The following GRID1 variants were observed in gnomAD, a reference collection of about 807,000 sequenced individuals.
GRID1 encodes the protein glutamate ionotropic receptor delta type subunit 1.
A neutral mutation model predicts 98.0 loss-of-function variants in GRID1; 28 were observed. The observed-to-expected ratio is 0.29, with a 90% CI of 0.21 to 0.39. The LOEUF (loss-of-function observed/expected upper bound fraction) is 0.39. Ranked by LOEUF, GRID1 falls within the 10% of genes least tolerant of loss-of-function variation. The pLI is 1.00. For synonymous variants in GRID1, 553 were observed against 538.5 expected (o/e 1.03, Z -0.37); for missense variants, 1,111 against 1,340.5 (o/e 0.83, Z 2.67).
At chr10:85,642,927 C>T (rs1431470783) in intron 13 of GRID1, among the ~76,000 whole-genome samples, 1 of 152,132 alleles carries the variant, frequency 6.6e-6, no homozygotes, top group East Asian at 1.9e-4. Flanking sequence ...TCCAGAGGCT[C>T]AATGATGTGT....
At chr10:85,680,781 T>C (rs1309962283) in intron 12 of GRID1, among the ~76,000 whole-genome samples, 2 of 152,176 alleles carry the variant, frequency 1.3e-5, no homozygotes, top group African/African-American at 2.4e-5. Context: ...ATGTGGTACA[T>C]ATACACCAGG....
intron 4 of GRID1, among the ~76,000 whole-genome samples, chr10:85,922,212 GA>G (rs1450748518): frequency 6.6e-6 from 1 of 152,166 alleles, no homozygotes; most frequent in African/African-American, 2.4e-5. Flanking sequence ...TCATATCTGA[GA>G]AAACACCATT....
intron 5 of GRID1, among the ~76,000 whole-genome samples, chr10:85,912,652 G>A (rs1209975900): frequency 6.6e-6 from 1 of 152,136 alleles, no homozygotes; most frequent in Non-Finnish European, 1.5e-5. Flanking sequence ...TGGTCGGGGA[G>A]GCACAGACCT....
intron 12 of GRID1, among the ~76,000 whole-genome samples, chr10:85,700,747 G>C (rs1841441586): frequency 6.6e-6 from 1 of 152,056 alleles, no homozygotes; most frequent in African/African-American, 2.4e-5. Context: ...CAACCCCAAA[G>C]AAAAAGGTAA....
intron 4 of GRID1, among the ~76,000 whole-genome samples, chr10:85,969,672 T>A (rs1460861109): frequency 2.0e-5 from 3 of 152,012 alleles, no homozygotes; most frequent in African/African-American, 4.8e-5. Context: ...AATATCAAAA[T>A]TTATAGGATG....
chr10:85,882,155 A>G (rs1841038152), intron 5 of GRID1, among the ~76,000 whole-genome samples: 1 of 152,216 alleles, frequency 6.6e-6, no homozygotes, highest in African/African-American at 2.4e-5. Context: ...AGAAATAGGA[A>G]CACTTTTACA....
At chr10:85,885,274 G>C (rs1005644859) in intron 5 of GRID1, among the ~76,000 whole-genome samples, 3 of 152,314 alleles carry the variant, frequency 2.0e-5, no homozygotes, top group African/African-American at 7.2e-5. Context: ...AAGCAAAACT[G>C]TCCTTTTTAT....
chr10:85,846,012 G>A (rs1843001900), intron 8 of GRID1, among the ~76,000 whole-genome samples: 2 of 152,110 alleles, frequency 1.3e-5, no homozygotes, highest in Admixed American at 6.6e-5. Context: ...GGGTGCTGGT[G>A]ATGTTCTTTG....
chr10:86,176,290 G>A (rs546546573), intron 3 of GRID1, among the ~76,000 whole-genome samples: 3 of 152,322 alleles, frequency 2.0e-5, no homozygotes, highest in East Asian at 1.9e-4. Flanking sequence ...CACAGTGTTG[G>A]AGCATGATAG....
chr10:85,997,398 CAA>C (rs35365659), intron 4 of GRID1, among the ~76,000 whole-genome samples: 1 of 137,106 alleles, frequency 7.3e-6, no homozygotes, highest in African/African-American at 2.8e-5. Context: ...GACTCCATCT[CAA>C]AAAAAAAAAA....
chr10:86,168,851 G>A (rs1845439060), intron 3 of GRID1, among the ~76,000 whole-genome samples: 1 of 152,220 alleles, frequency 6.6e-6, no homozygotes, highest in Non-Finnish European at 1.5e-5. Flanking sequence ...CCCAGGCAAG[G>A]GGCACAGGTG....
intron 4 of GRID1, among the ~76,000 whole-genome samples, chr10:85,989,586 A>T (rs1842654416): frequency 1.3e-5 from 2 of 152,192 alleles, no homozygotes; most frequent in African/African-American, 4.8e-5. Context: ...TGAATTAAGC[A>T]TGCGACAGAT....
chr10:86,047,060 C>A (rs1048132028), intron 4 of GRID1, among the ~76,000 whole-genome samples: 10 of 152,186 alleles, frequency 6.6e-5, no homozygotes, highest in Non-Finnish European at 1.5e-4. Flanking sequence ...AGCATCAGAA[C>A]AAATGATTGC....
chr10:86,044,068 G>T (rs1444729035), intron 4 of GRID1, among the ~76,000 whole-genome samples: 1 of 152,172 alleles, frequency 6.6e-6, no homozygotes, highest in African/African-American at 2.4e-5. Flanking sequence ...CTAAAGAAAT[G>T]TCAGATATTT....
At position 85,947,569 on chromosome 10, in the gene GRID1, C is replaced by CG. The variant is rs139818707; in HGVS notation, c.727-31331dup. On this transcript the variant is annotated intron_variant, in intron 4 of 15. Coordinates refer to ENST00000327946, the MANE Select transcript of GRID1 (RefSeq NM_017551.3). The stretch of plus-strand genomic sequence containing the variant: ...TGGTCACCACAGACCCACAAGTGCA[C>CG]GTCCATGGAGAGTGTCGTGACTCTG... Among the ~76,000 whole-genome samples the CG allele has an allele frequency of 1.5e-3, 223 of 152,282 alleles. 1 individual carries two copies. Among genetic ancestry groups the CG allele is most frequent in the African/African-American group, 5.0e-3 (209 of 41,554 alleles).
intron 4 of GRID1, among the ~76,000 whole-genome samples, chr10:85,967,041 C>G (rs1277458784): frequency 2.6e-5 from 4 of 152,282 alleles, no homozygotes; most frequent in Admixed American, 1.3e-4. Flanking sequence ...ATAAGTCTCA[C>G]AAGATCTGAT....
Position 85,995,230 on chromosome 10 carries a change from C to T in GRID1, c.727-78991G>A, listed in dbSNP as rs559020941. Among the ~76,000 whole-genome samples the T allele has an allele frequency of 9.2e-5, 14 of 152,164 alleles. No homozygotes were observed. In the South Asian group the frequency reaches 1.2e-3, roughly 14 times the overall value. ...CAATAATCTATCACTAGTCGTGGAA[C>T]TTTGATGGGACGGCCACCTATCAGC... is the stretch of plus-strand genomic sequence containing the variant. On this transcript the variant is annotated intron_variant, in intron 4 of 15. Transcript: ENST00000327946.
chr10:85,979,919 T>C (rs918440641), intron 4 of GRID1, among the ~76,000 whole-genome samples: 2 of 152,232 alleles, frequency 1.3e-5, no homozygotes, highest in Admixed American at 1.3e-4. Context: ...TCTTCACTCA[T>C]GCACAATGGT....
intron 12 of GRID1, among the ~76,000 whole-genome samples, chr10:85,686,886 G>A (rs1841275332): frequency 6.6e-6 from 1 of 152,040 alleles, no homozygotes; most frequent in Non-Finnish European, 1.5e-5. Context: ...CACTGAATCT[G>A]TTTACACATA....
Sources: gnomAD v4.1 joint callset for allele counts (sites outside exome capture counted in the v4.1 genomes callset) on GRCh38, gnomAD v4.1.1 for gene constraint, MANE v1.5 for transcripts, NCBI Gene and HGNC (gene_info 2026-07-23, HGNC 2026-07-21) for gene names.